The following SEMA5A variants were observed in gnomAD, a reference collection of about 807,000 sequenced individuals.
SEMA5A encodes semaphorin 5A, also known as semaphorin-5A.
Under a neutral mutation model 135.5 loss-of-function variants are expected in SEMA5A, and 55 were observed. The observed-to-expected ratio is 0.41, with a 90% CI of 0.33 to 0.51. The LOEUF (loss-of-function observed/expected upper bound fraction) is 0.51. SEMA5A is among the 20% of genes least tolerant of loss of function. SEMA5A has a pLI of 0.37. For missense variants in SEMA5A, 1,290 were observed against 1,419.9 expected, an observed-to-expected ratio of 0.91 and a Z score of 1.47; for synonymous variants, 580 against 546.5, an observed-to-expected ratio of 1.06 and a Z score of -0.85.
intron 1 of SEMA5A, chr5:9,498,803 T>TGA (rs1316269232): frequency 6.6e-6 from 1 of 152,128 alleles, no homozygotes; most frequent in Non-Finnish European, 1.5e-5. Flanking sequence ...GAATCAAACT[T>TGA]AAACTGTGAA....
At chr5:9,322,945 A>C (rs1752693936) in intron 4 of SEMA5A, among the ~76,000 whole-genome samples, 1 of 152,208 alleles carries the variant, frequency 6.6e-6, no homozygotes, top group South Asian at 2.1e-4. Flanking sequence ...TTCAAGTCTT[A>C]GTTCTGCTAA....
In SEMA5A at chr5:9,246,876, C is replaced by T. The variant is rs1805995; in HGVS notation, c.271-8986G>A. ...GCTTTGACCAAATCTTTCTTTCACA[C>T]GCCAGTTAACTACTGACAATAATAT... On this transcript the variant is annotated intron_variant, in intron 5 of 22. Transcript: ENST00000382496. 9.9e-3 allele frequency among the ~76,000 whole-genome samples: 1,512 copies of T among 152,204 alleles called. 28 individuals are homozygous for T. Among genetic ancestry groups the T allele is most frequent in the African/African-American group, 0.035 (1,454 of 41,540 alleles).
Position 9,042,839 on chromosome 5 carries a change from A to G in SEMA5A, c.*58T>C. ...TGAAGCCTCAGAAACATGGGCAGTC[A>G]TGGGGCACAGGCCTTGAGGAACTGG... On this transcript the variant is annotated 3_prime_UTR_variant, in exon 23 of 23. Coordinates refer to ENST00000382496, the MANE Select transcript of SEMA5A (RefSeq NM_003966.3). The G allele has an allele frequency of 6.2e-7, 1 of 1,602,536 alleles. No individual in the cohort carries two copies. The highest frequency in any genetic ancestry group is 1.7e-4 in the Middle Eastern group (1 of 6,034).
At chr5:9,201,165 G>C (rs1315284336) in intron 9 of SEMA5A, among the ~76,000 whole-genome samples, 1 of 152,228 alleles carries the variant, frequency 6.6e-6, no homozygotes, top group African/African-American at 2.4e-5. Context: ...GTGTAGGAAA[G>C]TGATGCTCAG....
intron 1 of SEMA5A, among the ~76,000 whole-genome samples, chr5:9,480,809 A>G (rs1759846975): frequency 6.6e-6 from 1 of 152,222 alleles, no homozygotes; most frequent in Non-Finnish European, 1.5e-5. Flanking sequence ...GCCCTAATCC[A>G]GAGCAAGACA....
At chr5:9,049,708 T>A (rs1467353998) in intron 21 of SEMA5A, among the ~76,000 whole-genome samples, 1 of 152,206 alleles carries the variant, frequency 6.6e-6, no homozygotes, top group African/African-American at 2.4e-5. Flanking sequence ...AAGGCGGACA[T>A]GGGCTGTTCC....
At chr5:9,459,492 C>A (rs1378923311) in intron 1 of SEMA5A, among the ~76,000 whole-genome samples, 1 of 152,170 alleles carries the variant, frequency 6.6e-6, no homozygotes, top group Admixed American at 6.5e-5. Context: ...AAATGAGGCC[C>A]TCAGTCCTAC....
intron 5 of SEMA5A, among the ~76,000 whole-genome samples, chr5:9,266,770 C>T (rs1749702130): frequency 6.6e-6 from 1 of 152,188 alleles, no homozygotes; most frequent in Admixed American, 6.5e-5. Flanking sequence ...TGGCCAGACC[C>T]TGTGTAACTC....
chr5:9,072,027 GT>G (rs1185589532), intron 16 of SEMA5A, among the ~76,000 whole-genome samples: 1 of 152,226 alleles, frequency 6.6e-6, no homozygotes, highest in Non-Finnish European at 1.5e-5. Context: ...AGTAAGGAAG[GT>G]ATATAAAGGA....
intron 4 of SEMA5A, among the ~76,000 whole-genome samples, chr5:9,331,201 T>C (rs1753114963): frequency 6.6e-6 from 1 of 152,174 alleles, no homozygotes; most frequent in African/African-American, 2.4e-5. Context: ...AATTCCAAGG[T>C]AAAATTTTCA....
At chr5:9,138,801 T>C (rs1432578759) in intron 12 of SEMA5A, among the ~76,000 whole-genome samples, 1 of 152,226 alleles carries the variant, frequency 6.6e-6, no homozygotes, top group Non-Finnish European at 1.5e-5. Flanking sequence ...TGTGTCATTC[T>C]TATGCCTTTG....
At chr5:9,300,247 C>T (rs529544654) in intron 5 of SEMA5A, among the ~76,000 whole-genome samples, 1 of 152,294 alleles carries the variant, frequency 6.6e-6, no homozygotes, top group East Asian at 1.9e-4. Context: ...AGGCTGGTCT[C>T]AAACTCCTGG....
At chr5:9,363,925 A>C (rs1754805830) in intron 3 of SEMA5A, among the ~76,000 whole-genome samples, 1 of 152,216 alleles carries the variant, frequency 6.6e-6, no homozygotes, top group African/African-American at 2.4e-5. Flanking sequence ...GGCATATGGA[A>C]GTAGGCAGGC....
At chr5:9,054,727 T>G (rs1435463035) in intron 18 of SEMA5A, among the ~76,000 whole-genome samples, 1 of 152,100 alleles carries the variant, frequency 6.6e-6, no homozygotes, top group Non-Finnish European at 1.5e-5. Context: ...CACGAGCTCC[T>G]TTACTAATTG....
chr5:9,374,932 G>A (rs540840983), intron 3 of SEMA5A, among the ~76,000 whole-genome samples: 1 of 151,858 alleles, frequency 6.6e-6, no homozygotes, highest in African/African-American at 2.4e-5. Flanking sequence ...ACAGCACCGG[G>A]GTCTCTGCTT....
intron 1 of SEMA5A, among the ~76,000 whole-genome samples, chr5:9,533,244 CT>C (rs1242425306): frequency 6.6e-6 from 1 of 152,184 alleles, no homozygotes; most frequent in East Asian, 1.9e-4. Context: ...CCAGCTACCC[CT>C]CTGAACATTT....
rs116253903 is a variant in SEMA5A at position 9,435,954 on chromosome 5, C to A, written c.-78+1802G>T. 3.7e-3 allele frequency among the ~76,000 whole-genome samples: 567 copies of A among 152,270 alleles called. 4 individuals are homozygous for A. Among genetic ancestry groups the A allele is most frequent in the African/African-American group, 0.013 (543 of 41,550 alleles). On this transcript the variant is annotated intron_variant, in intron 2 of 22. Transcript: ENST00000382496. ...GAGTAACTCCAGTAAGGAATAAAAA[C>A]TAAAATATGACTGTTCTTATTCTAG...
At chr5:9,211,877 A>G (rs1176949404) in intron 8 of SEMA5A, among the ~76,000 whole-genome samples, 2 of 152,244 alleles carry the variant, frequency 1.3e-5, no homozygotes, top group Non-Finnish European at 2.9e-5. Flanking sequence ...AAAAAATGAT[A>G]CAGTTGAAAA....
intron 21 of SEMA5A, among the ~76,000 whole-genome samples, chr5:9,045,639 G>A (rs989245961): frequency 4.6e-5 from 7 of 152,080 alleles, no homozygotes; most frequent in African/African-American, 1.7e-4. Context: ...TCTCACTTAT[G>A]TTGTATTTTG....
Sources: gnomAD v4.1 joint callset for allele counts (sites outside exome capture counted in the v4.1 genomes callset) on GRCh38, gnomAD v4.1.1 for gene constraint, MANE v1.5 for transcripts, NCBI Gene and HGNC (gene_info 2026-07-23, HGNC 2026-07-21) for gene names.